The following S100Z variants were observed in gnomAD, a reference collection of about 807,000 sequenced individuals.
S100Z encodes the protein protein S100-Z.
S100Z carries 11 observed loss-of-function variants against 8.5 expected under a neutral mutation model. That is an observed-to-expected ratio of 1.30 (90% CI 0.82 to 2.15). S100Z has a LOEUF of 2.15. S100Z is among the 30% of genes most tolerant of loss of function. S100Z has a pLI of 0.00. For missense variants in S100Z, 126 were observed against 117.9 expected, an observed-to-expected ratio of 1.07 and a Z score of -0.32; for synonymous variants, 34 against 43.8, an observed-to-expected ratio of 0.78 and a Z score of 0.89.
At chr5:76,935,939 G>A in the S100Z span, among the ~76,000 whole-genome samples, 1 of 151,968 alleles carries the variant, frequency 6.6e-6, no homozygotes, top group Non-Finnish European at 1.5e-5. Context: ...ACCACACCGG[G>A]CTAATTTTTG....
intron 1 of S100Z, among the ~76,000 whole-genome samples, chr5:76,851,012 C>T (rs1750713036): frequency 6.6e-6 from 1 of 152,124 alleles, no homozygotes; most frequent in Non-Finnish European, 1.5e-5. Flanking sequence ...ATTTAAACTG[C>T]CTAGAAGGGT....
the S100Z span, among the ~76,000 whole-genome samples, chr5:76,932,833 T>C: frequency 6.6e-6 from 1 of 152,200 alleles, no homozygotes; most frequent in Admixed American, 6.5e-5. Context: ...TGATGGGATT[T>C]GGGAAGAAAG....
the S100Z span, among the ~76,000 whole-genome samples, chr5:76,941,352 A>G: frequency 6.6e-6 from 1 of 152,116 alleles, no homozygotes; most frequent in Admixed American, 6.5e-5. Flanking sequence ...TCATGGGGTG[A>G]GTTTTTCCCA....
chr5:76,872,712 G>A (rs1743053359), intron 2 of S100Z, among the ~76,000 whole-genome samples: 1 of 152,130 alleles, frequency 6.6e-6, no homozygotes. Flanking sequence ...TGTAATCCCA[G>A]CATTTTGGGA....
At chr5:76,855,191 GGAAATGTGGGGTTGTA>G (rs1750848899) in intron 1 of S100Z, among the ~76,000 whole-genome samples, 1 of 152,206 alleles carries the variant, frequency 6.6e-6, no homozygotes. Flanking sequence ...AGTGTGGAGG[GGAAATGTGGGGTTGTA>G]GCCCCCACAC....
intron 1 of S100Z, among the ~76,000 whole-genome samples, chr5:76,863,863 A>G (rs1403745265): frequency 6.6e-6 from 1 of 152,262 alleles, no homozygotes; most frequent in African/African-American, 2.4e-5. Context: ...TGAAGGCTCC[A>G]GCACAGGGCA....
intron 1 of S100Z, among the ~76,000 whole-genome samples, chr5:76,863,712 G>T (rs1461578717): frequency 7.9e-5 from 12 of 151,642 alleles, no homozygotes; most frequent in Non-Finnish European, 1.5e-4. Context: ...CTAATTTTTT[G>T]TATTTTTAGT....
At chr5:76,947,331 T>C in the S100Z span, among the ~76,000 whole-genome samples, 1 of 152,238 alleles carries the variant, frequency 6.6e-6, no homozygotes, top group Non-Finnish European at 1.5e-5. Context: ...TTGATCATCA[T>C]TTGGGTTGAA....
intron 2 of S100Z, among the ~76,000 whole-genome samples, chr5:76,875,038 G>C (rs1333721801): frequency 6.6e-6 from 1 of 152,072 alleles, no homozygotes; most frequent in Non-Finnish European, 1.5e-5. Context: ...ACAGGCGCCC[G>C]CCGCCGCGCC....
At chr5:76,896,234 A>G (rs974798559) in intron 4 of S100Z, among the ~76,000 whole-genome samples, 13 of 152,040 alleles carry the variant, frequency 8.6e-5, no homozygotes, top group Non-Finnish European at 1.5e-4. Flanking sequence ...CTCTATGTCC[A>G]TGAGTTCAAT....
chr5:76,877,148 A>G (rs1743218750), intron 3 of S100Z, among the ~76,000 whole-genome samples: 1 of 152,162 alleles, frequency 6.6e-6, no homozygotes, highest in South Asian at 2.1e-4. Context: ...CTAGGTATCT[A>G]GTATTTTTAT....
intron 4 of S100Z, among the ~76,000 whole-genome samples, chr5:76,886,172 G>A (rs1210916345): frequency 6.6e-6 from 1 of 152,180 alleles, no homozygotes; most frequent in Non-Finnish European, 1.5e-5. Flanking sequence ...AGGTGTCCCC[G>A]TGAGGTCAGA....
chr5:76,890,838 T>G (rs1164467096), intron 4 of S100Z, among the ~76,000 whole-genome samples: 1 of 152,078 alleles, frequency 6.6e-6, no homozygotes, highest in Non-Finnish European at 1.5e-5. Context: ...TGGGAAGCCA[T>G]TATAGGATTT....
chr5:76,860,232 C>G (rs1751017275), intron 1 of S100Z, among the ~76,000 whole-genome samples: 1 of 152,102 alleles, frequency 6.6e-6, no homozygotes, highest in African/African-American at 2.4e-5. Context: ...CCACCAAGCA[C>G]CGAGGCTCTG....
intron 1 of S100Z, among the ~76,000 whole-genome samples, chr5:76,863,829 C>CAT (rs1751167030): frequency 1.3e-5 from 2 of 152,320 alleles, no homozygotes; most frequent in African/African-American, 2.4e-5. Flanking sequence ...TGAGCCACTG[C>CAT]GCCCGGCCAA....
At chr5:76,925,159 TAGAG>T (rs3060357), downstream of S100Z, among the ~76,000 whole-genome samples, 38,833 of 151,042 alleles carry the variant, frequency 0.26, 5,676 homozygotes, top group South Asian at 0.58. Context: ...AGTGGCTAGA[TAGAG>T]AGAGAGAGAG....
At chr5:76,942,904 C>A in the S100Z span, among the ~76,000 whole-genome samples, 1 of 152,204 alleles carries the variant, frequency 6.6e-6, no homozygotes, top group African/African-American at 2.4e-5. Context: ...GTTATCTATT[C>A]CTGAATAATG....
chr5:76,946,988 A>G, the S100Z span, among the ~76,000 whole-genome samples: 6 of 150,434 alleles, frequency 4.0e-5, no homozygotes, highest in African/African-American at 1.5e-4. Context: ...TTATGACAAC[A>G]TCCTACCCCC....
chr5:76,908,556 A>G lies in S100Z; in HGVS notation c.*3-12161A>G, dbSNP rs183603985. 1.3e-3 allele frequency among the ~76,000 whole-genome samples: 201 copies of G among 152,292 alleles called. 3 individuals carry two copies. The highest frequency in any genetic ancestry group is 3.7e-4 in the Non-Finnish European group (25 of 68,014). On this transcript the variant is annotated intron_variant, in intron 4 of 4. Coordinates refer to ENST00000317593, the MANE Select transcript of S100Z (RefSeq NM_130772.4). ...CTCCTTTTGGCACCTGGGCTCACCA[A>G]TGAGAAAGACATATTTTTTGCCCAA...
Sources: allele counts gnomAD v4.1 joint callset (sites outside exome capture counted in the v4.1 genomes callset), GRCh38; gene constraint gnomAD v4.1.1; transcripts MANE v1.5; gene names NCBI Gene and HGNC (gene_info 2026-07-23, HGNC 2026-07-21).